The following PARN variants were observed in gnomAD, a reference collection of about 807,000 sequenced individuals.
PARN encodes poly(A)-specific ribonuclease PARN.
In PARN, 71 loss-of-function variants were observed where a neutral mutation model predicts 102.8. That is an observed-to-expected ratio of 0.69 (90% CI 0.57 to 0.84). The LOEUF is 0.84. Among genes scored for constraint, PARN ranks in the 40% least tolerant of loss-of-function variants. The pLI is 0.00. For synonymous variants in PARN, 261 were observed against 252.9 expected, an observed-to-expected ratio of 1.03 and a Z score of -0.30; for missense variants, 782 against 760.9, an observed-to-expected ratio of 1.03 and a Z score of -0.33.
intron 16 of PARN, among the ~76,000 whole-genome samples, chr16:14,583,312 A>G (rs1041737368): frequency 5.3e-5 from 8 of 152,242 alleles, no homozygotes; most frequent in South Asian, 4.1e-4. Context: ...GAAGGTTACT[A>G]TAACACAGAA....
intron 23 of PARN, among the ~76,000 whole-genome samples, chr16:14,440,642 T>G (rs1960901335): frequency 6.6e-6 from 1 of 152,234 alleles, no homozygotes; most frequent in Non-Finnish European, 1.5e-5. Flanking sequence ...TAGTGATACC[T>G]GTATACAGTG....
chr16:14,608,215 A>G (rs1567444385), intron 9 of PARN, 66 bp downstream of exon 9: 15 of 1,120,046 alleles, frequency 1.3e-5, no homozygotes, highest in Non-Finnish European at 1.9e-5. Flanking sequence ...GAGAACTAAG[A>G]GATTATATTT....
chr16:14,456,442 G>A (rs961826433), intron 22 of PARN, among the ~76,000 whole-genome samples: 2 of 152,034 alleles, frequency 1.3e-5, no homozygotes, highest in African/African-American at 2.4e-5. Flanking sequence ...CCAAAGTGCC[G>A]GTATTATAGG....
At chr16:14,571,052 C>A (rs571145163) in intron 18 of PARN, among the ~76,000 whole-genome samples, 2 of 151,876 alleles carry the variant, frequency 1.3e-5, no homozygotes, top group African/African-American at 4.8e-5. Flanking sequence ...TCTAATAGTT[C>A]ACTTAGAAGA....
At chr16:14,612,082 C>G (rs952651513) in intron 6 of PARN, among the ~76,000 whole-genome samples, 3 of 152,086 alleles carry the variant, frequency 2.0e-5, no homozygotes, top group Non-Finnish European at 1.5e-5. Context: ...ATTTTCTAGA[C>G]ATAAGACGTA....
intron 22 of PARN, among the ~76,000 whole-genome samples, chr16:14,456,125 T>C (rs1961668705): frequency 6.6e-6 from 1 of 152,122 alleles, no homozygotes; most frequent in Admixed American, 6.5e-5. Context: ...CTGTCTTTCC[T>C]TACCCAGCCC....
intron 21 of PARN, among the ~76,000 whole-genome samples, chr16:14,495,866 C>G (rs1964287842): frequency 6.6e-6 from 1 of 151,972 alleles, no homozygotes; most frequent in Admixed American, 6.6e-5. Flanking sequence ...AATCTGGGGG[C>G]AGGAAGTCGC....
chr16:14,551,888 A>G, intron 21 of PARN, 133 bp downstream of exon 21: 2 of 615,346 alleles, frequency 3.3e-6, no homozygotes, highest in Non-Finnish European at 5.9e-6. Flanking sequence ...TTTATTTCAG[A>G]GACAATCTCA....
At chr16:14,568,198 T>C (rs895376273) in intron 18 of PARN, among the ~76,000 whole-genome samples, 1 of 150,832 alleles carries the variant, frequency 6.6e-6, no homozygotes, top group Non-Finnish European at 1.5e-5. Flanking sequence ...AAAAACTTTA[T>C]TTTTTTTATT....
chr16:14,600,786 C>T (rs1426855054), intron 11 of PARN, among the ~76,000 whole-genome samples: 4 of 151,974 alleles, frequency 2.6e-5, no homozygotes, highest in Admixed American at 1.3e-4. Context: ...AAAAATTATC[C>T]GGACGTGGTG....
At chr16:14,553,136 G>A (rs547242881) in intron 20 of PARN, among the ~76,000 whole-genome samples, 2 of 150,332 alleles carry the variant, frequency 1.3e-5, no homozygotes, top group South Asian at 2.1e-4. Context: ...GAAAAAAATA[G>A]ATCAGGCTCA....
intron 21 of PARN, among the ~76,000 whole-genome samples, chr16:14,536,902 T>C (rs1966632979): frequency 6.6e-6 from 1 of 152,110 alleles, no homozygotes; most frequent in Non-Finnish European, 1.5e-5. Flanking sequence ...ATTTTACAGC[T>C]AAGACTTCGA....
intron 21 of PARN, among the ~76,000 whole-genome samples, chr16:14,497,269 C>T (rs946356083): frequency 1.3e-4 from 20 of 152,116 alleles, no homozygotes; most frequent in African/African-American, 4.8e-4. Context: ...TGACACCCAC[C>T]ATTCAAAACA....
intron 11 of PARN, chr16:14,601,913 A>C (rs1322846691): frequency 6.6e-6 from 1 of 150,408 alleles, no homozygotes; most frequent in African/African-American, 2.4e-5. Context: ...TCAAACAAAA[A>C]CAAAAATTGC....
At chr16:14,461,664 C>T (rs550563553) in intron 22 of PARN, among the ~76,000 whole-genome samples, 3 of 152,346 alleles carry the variant, frequency 2.0e-5, no homozygotes, top group African/African-American at 7.2e-5. Context: ...CAAATGGCAG[C>T]AGTGTCAACA....
chr16:14,438,765 T>A (rs967172977), intron 23 of PARN, among the ~76,000 whole-genome samples: 3 of 152,142 alleles, frequency 2.0e-5, no homozygotes, highest in African/African-American at 7.2e-5. Context: ...CAGTCTATAA[T>A]CAAAAAGATG....
intron 22 of PARN, among the ~76,000 whole-genome samples, chr16:14,449,618 G>C (rs1218960971): frequency 6.6e-6 from 1 of 152,086 alleles, no homozygotes; most frequent in African/African-American, 2.4e-5. Flanking sequence ...AAGGGTTAAT[G>C]TCTCTAATAA....
rs115761581 is a variant in PARN at position 14,446,209 on chromosome 16, G to A, written c.1864+679C>T. Among the ~76,000 whole-genome samples, 214 of 152,276 alleles carry A rather than the reference G, an allele frequency of 1.4e-3. 1 individual carries two copies. Among genetic ancestry groups the A allele is most frequent in the African/African-American group, 5.0e-3 (207 of 41,556 alleles). ...GAAGGGCTGAGTGAGGCACATCTGC[G>A]GGGTGGAGAGGACATGGGATTCAGC... On this transcript the variant is annotated intron_variant, in intron 23 of 23. Coordinates refer to ENST00000437198, the MANE Select transcript of PARN (RefSeq NM_002582.4).
At chr16:14,472,728 C>T (rs935877109) in intron 22 of PARN, among the ~76,000 whole-genome samples, 2 of 152,208 alleles carry the variant, frequency 1.3e-5, no homozygotes, top group African/African-American at 2.4e-5. Context: ...CATCCAGCAA[C>T]ATTATACATG....
Sources: allele counts gnomAD v4.1 joint callset (sites outside exome capture counted in the v4.1 genomes callset), GRCh38; gene constraint gnomAD v4.1.1; transcripts MANE v1.5; gene names NCBI Gene and HGNC (gene_info 2026-07-23, HGNC 2026-07-21).